ABCA12: variants seen among roughly 807,000 people sequenced by gnomAD.
The protein encoded by ABCA12 is ATP binding cassette subfamily A member 12.
A neutral mutation model predicts 293.5 loss-of-function variants in ABCA12; 156 were observed. The observed-to-expected ratio is 0.53, with a 90% CI of 0.47 to 0.61. ABCA12 has a LOEUF of 0.61. Among genes scored for constraint, ABCA12 ranks in the 20% least tolerant of loss-of-function variants. ABCA12 has a pLI of 0.00. For missense variants in ABCA12, 2,797 were observed against 3,090.2 expected (o/e 0.91, Z 2.25); for synonymous variants, 1,063 against 1,108.0 (o/e 0.96, Z 0.81).
chr2:214,934,061 C>G lies in ABCA12; in HGVS notation c.7680+17G>C. 2 of 1,610,818 alleles carry G rather than the reference C, an allele frequency of 1.2e-6. No individual in the cohort carries two copies. Among genetic ancestry groups the G allele is most frequent in the Middle Eastern group, 1.7e-4 (1 of 6,036 alleles). On this transcript the variant is annotated intron_variant, in intron 52 of 52. Coordinates refer to ENST00000272895, the MANE Select transcript of ABCA12 (RefSeq NM_173076.3). ...AATATGTGACGTTGTGCACATGGAT[C>G]GTGGTATATATCTTACCTCTTCCAG...
At chr2:214,954,383 C>T (rs1051966136) in intron 43 of ABCA12, among the ~76,000 whole-genome samples, 3 of 152,114 alleles carry the variant, frequency 2.0e-5, no homozygotes, top group Non-Finnish European at 4.4e-5. Context: ...TACCTTTAAT[C>T]CCAGGAATGT....
chr2:215,070,283 T>G (rs1701711313), intron 2 of ABCA12, among the ~76,000 whole-genome samples: 1 of 152,212 alleles, frequency 6.6e-6, no homozygotes, highest in Non-Finnish European at 1.5e-5. Context: ...TCGCCATCTA[T>G]TCAATAATAT....
At chr2:215,084,019 C>G (rs1701992192) in intron 2 of ABCA12, among the ~76,000 whole-genome samples, 2 of 152,012 alleles carry the variant, frequency 1.3e-5, no homozygotes, top group Admixed American at 6.6e-5. Context: ...ACTGTGTTGC[C>G]CAGGCTGGAG....
intron 1 of ABCA12, among the ~76,000 whole-genome samples, chr2:215,114,871 A>C (rs1189068544): frequency 6.6e-6 from 1 of 152,236 alleles, no homozygotes; most frequent in Non-Finnish European, 1.5e-5. Flanking sequence ...TTAATGCCCC[A>C]TAGCTACTTT....
At chr2:215,128,925 G>T (rs1239732040) in intron 1 of ABCA12, among the ~76,000 whole-genome samples, 2 of 152,114 alleles carry the variant, frequency 1.3e-5, no homozygotes, top group African/African-American at 4.8e-5. Context: ...ATTTGGGTAG[G>T]CTCTGTCAGA....
At chr2:214,939,667 A>C (rs113530516) in intron 50 of ABCA12, among the ~76,000 whole-genome samples, 2 of 152,152 alleles carry the variant, frequency 1.3e-5, no homozygotes, top group Non-Finnish European at 2.9e-5. Context: ...TTCTCCTTGA[A>C]GAGGTCCTTC....
At chr2:215,031,781 G>A (rs1320402064) in intron 9 of ABCA12, 40 bp downstream of exon 9, 17 of 1,611,920 alleles carry the variant, frequency 1.1e-5, no homozygotes, top group Middle Eastern at 1.6e-4. Context: ...TGTTTATTCA[G>A]CCAAGTTATC....
chr2:215,118,636 C>CA (rs905044317), intron 1 of ABCA12, among the ~76,000 whole-genome samples: 101 of 146,856 alleles, frequency 6.9e-4, no homozygotes, highest in Middle Eastern at 3.4e-3. Context: ...TACATAAATA[C>CA]AAAAAAAAAA....
At chr2:215,020,902 A>G (rs1307536304) in intron 11 of ABCA12, 1 of 152,074 alleles carries the variant, frequency 6.6e-6, no homozygotes, top group African/African-American at 2.4e-5. Context: ...AATGGAGTAC[A>G]TTGGCACGAT....
chr2:214,996,785 T>C (rs1383391481), intron 23 of ABCA12, among the ~76,000 whole-genome samples: 3 of 152,118 alleles, frequency 2.0e-5, no homozygotes, highest in Non-Finnish European at 4.4e-5. Flanking sequence ...TAGGGAGAAA[T>C]GATCAATTGT....
chr2:214,959,925 G>A (rs1699067301), intron 39 of ABCA12, among the ~76,000 whole-genome samples: 2 of 152,242 alleles, frequency 1.3e-5, no homozygotes, highest in Middle Eastern at 3.4e-3. Context: ...AAGAGTGGTA[G>A]GGGATGCCAC....
intron 2 of ABCA12, among the ~76,000 whole-genome samples, chr2:215,095,180 GA>G (rs1321262398): frequency 1.3e-5 from 2 of 152,108 alleles, no homozygotes; most frequent in African/African-American, 4.8e-5. Flanking sequence ...TTTAAATGAA[GA>G]GTGTTGTTTT....
intron 2 of ABCA12, among the ~76,000 whole-genome samples, chr2:215,088,543 T>C (rs1410892694): frequency 6.6e-6 from 1 of 152,170 alleles, no homozygotes; most frequent in Non-Finnish European, 1.5e-5. Flanking sequence ...GGTATTGCAA[T>C]TGGGTTAGTC....
At chr2:215,041,679 T>C (rs184978684) in intron 7 of ABCA12, among the ~76,000 whole-genome samples, 6 of 152,198 alleles carry the variant, frequency 3.9e-5, no homozygotes, top group Non-Finnish European at 5.9e-5. Context: ...TCCAAAAGAA[T>C]TGAAATTAGA....
At chr2:215,115,034 T>A (rs1041864775) in intron 1 of ABCA12, among the ~76,000 whole-genome samples, 1 of 152,184 alleles carries the variant, frequency 6.6e-6, no homozygotes, top group African/African-American at 2.4e-5. Context: ...TTCATGAGGA[T>A]GTTTTGGTGA....
At chr2:215,011,083 G>A (rs1353933676) in intron 17 of ABCA12, among the ~76,000 whole-genome samples, 1 of 152,102 alleles carries the variant, frequency 6.6e-6, no homozygotes, top group Admixed American at 6.6e-5. Flanking sequence ...CAGATTTAAG[G>A]CAAGTTTTTA....
chr2:214,986,751 G>A (rs1430577662), intron 27 of ABCA12, 23 bp from the exon 28 acceptor site: 2 of 1,608,860 alleles, frequency 1.2e-6, no homozygotes, highest in African/African-American at 1.3e-5. Context: ...CAAGGGAAGA[G>A]TTGTAAACTC....
chr2:215,134,589 C>G (rs1360481730), intron 1 of ABCA12, among the ~76,000 whole-genome samples: 2 of 94,770 alleles, frequency 2.1e-5, no homozygotes, highest in African/African-American at 7.7e-5. Context: ...CTCTCTCTCT[C>G]TCTCTCTCTC....
intron 23 of ABCA12, among the ~76,000 whole-genome samples, chr2:214,995,063 A>G (rs1222521404): frequency 1.3e-5 from 2 of 152,168 alleles, no homozygotes; most frequent in Non-Finnish European, 2.9e-5. Flanking sequence ...ACAAAACCCA[A>G]TCGAAAGGCA....
Sources: allele counts gnomAD v4.1 joint callset (sites outside exome capture counted in the v4.1 genomes callset), GRCh38; gene constraint gnomAD v4.1.1; transcripts MANE v1.5; gene names NCBI Gene and HGNC (gene_info 2026-07-23, HGNC 2026-07-21).